NEK6: variants seen among roughly 807,000 people sequenced by gnomAD.
NEK6 encodes the protein NIMA related kinase 6.
In NEK6, 27 loss-of-function variants were observed where a neutral mutation model predicts 43.5. The ratio of observed to expected loss-of-function variants is 0.62; its 90% CI spans 0.46 to 0.86. The LOEUF (loss-of-function observed/expected upper bound fraction) is 0.86, where lower values mean the gene tolerates loss of function less well. NEK6 is among the 40% of genes least tolerant of loss of function. The pLI, the probability that NEK6 is intolerant of heterozygous loss-of-function variation, is 0.00. For synonymous variants in NEK6, 167 were observed against 164.1 expected (o/e 1.02, Z -0.14); for missense variants, 318 against 414.4 (o/e 0.77, Z 2.02).
intron 2 of NEK6, among the ~76,000 whole-genome samples, chr9:124,303,057 G>A (rs1833076446): frequency 1.3e-5 from 2 of 152,238 alleles, no homozygotes; most frequent in South Asian, 4.1e-4. Flanking sequence ...GAACCTTGCG[G>A]GCCTAGGGAG....
intron 1 of NEK6, among the ~76,000 whole-genome samples, chr9:124,266,988 C>T (rs1229366545): frequency 3.9e-5 from 6 of 152,166 alleles, no homozygotes; most frequent in African/African-American, 9.7e-5. Context: ...CCTTCCCTGC[C>T]GAGGCAGCTC....
rs149969205 is a variant in NEK6, at chr9:124,341,232, C to T, written c.717+1567C>T. Among the ~76,000 whole-genome samples, 418 of 152,250 alleles carry T rather than the reference C, an allele frequency of 2.7e-3. 3 individuals are homozygous for T. Among genetic ancestry groups the T allele is most frequent in the African/African-American group, 9.7e-3 (401 of 41,550 alleles). On this transcript the variant is annotated intron_variant, in intron 8 of 9. Transcript: ENST00000320246. Reference sequence around the variant, plus strand: ...AAATTTTCGTATTTTTTGGTAGAGACGGGGTTTCACCATGTTAGCCAGGCT... The same window carrying T: ...AAATTTTCGTATTTTTTGGTAGAGATGGGGTTTCACCATGTTAGCCAGGCT...
chr9:124,270,735 G>A (rs2118915265), intron 1 of NEK6, among the ~76,000 whole-genome samples: 1 of 152,360 alleles, frequency 6.6e-6, no homozygotes, highest in South Asian at 2.1e-4. Context: ...GTTGCTGGGT[G>A]CGGGAGCAGG....
chr9:124,330,395 C>T lies in NEK6; in HGVS notation c.622+2950C>T, dbSNP rs567628152. ...AGTGTCTCGCTCCGAGCAACGGCAG[C>T]AGCTGCAAGACAAATCACGGGGCTG... On this transcript the variant is annotated intron_variant, in intron 7 of 9. Transcript: ENST00000320246. Among the ~76,000 whole-genome samples, 3 of 152,318 alleles carry T rather than the reference C, an allele frequency of 2.0e-5. No homozygotes were observed. The East Asian group carries it at 5.8e-4, about 29-fold the overall frequency.
At chr9:124,279,300 CTT>C (rs1165676719) in intron 1 of NEK6, among the ~76,000 whole-genome samples, 12 of 138,134 alleles carry the variant, frequency 8.7e-5, no homozygotes, top group Admixed American at 2.2e-4. Context: ...TTTCTCTTCC[CTT>C]TTTTTTTTTT....
chr9:124,257,807 C>A, upstream of NEK6: 2 of 1,381,778 alleles, frequency 1.4e-6, no homozygotes, highest in Non-Finnish European at 1.9e-6. Context: ...TCGGCGGAGT[C>A]GAGGGGTCCA....
intron 2 of NEK6, among the ~76,000 whole-genome samples, chr9:124,306,461 G>A (rs770782573): frequency 6.9e-4 from 105 of 152,232 alleles, no homozygotes; most frequent in Non-Finnish European, 1.1e-3. Flanking sequence ...CGGTGCAGAC[G>A]TCTTAGCTGA....
intron 5 of NEK6, 45 bp downstream of exon 5, chr9:124,321,614 G>A: frequency 2.4e-6 from 3 of 1,244,336 alleles, no homozygotes; most frequent in Non-Finnish European, 3.5e-6. Flanking sequence ...GCGCAGATCT[G>A]GAGCCAAAGG....
rs141877442 is a variant in NEK6, at chr9:124,333,549, G to A, written c.623-6022G>A. The stretch of plus-strand genomic sequence containing the variant: ...GTTCCTTCACTTTCTTTACCTTTCC[G>A]TTGCACAGATGCTCACCGAGCGTCT... On this transcript the variant is annotated intron_variant, in intron 7 of 9. Coordinates refer to ENST00000320246, the MANE Select transcript of NEK6 (RefSeq NM_014397.6). 2.9e-3 allele frequency among the ~76,000 whole-genome samples: 445 copies of A among 152,248 alleles called. 3 individuals carry two copies. The highest frequency in any genetic ancestry group is 0.01 in the African/African-American group (419 of 41,536).
chr9:124,326,256 G>T lies in NEK6; in HGVS notation c.406-74G>T. ...GTTACCCACTGGGGAAAGGACAGAG[G>T]CAGTGCCCTGTGGCCACCCACCTCC... On this transcript the variant is annotated intron_variant, in intron 5 of 9. Coordinates refer to ENST00000320246, the MANE Select transcript of NEK6 (RefSeq NM_014397.6). The surrounding 1 kb of genome is among the most constrained non-coding windows in gnomAD (Gnocchi z 4.5). The T allele has an allele frequency of 1.3e-6, 1 of 774,468 alleles. No individual in the cohort carries two copies. The allele number at this position is 774,468 out of a possible 1,614,324, so 48.0% of individuals were successfully genotyped here.
intron 1 of NEK6, chr9:124,292,432 C>G: frequency 2.6e-6 from 4 of 1,536,686 alleles, no homozygotes; most frequent in Non-Finnish European, 3.5e-6. Flanking sequence ...TTGTCTGCCC[C>G]TTCCTGCCTG....
At chr9:124,323,524 G>A (rs1426945744) in intron 5 of NEK6, among the ~76,000 whole-genome samples, 2 of 152,298 alleles carry the variant, frequency 1.3e-5, no homozygotes, top group African/African-American at 4.8e-5. Flanking sequence ...AGATGAAGGA[G>A]AGGCCTCTCC....
At chr9:124,303,031 A>G (rs1483922958) in intron 2 of NEK6, among the ~76,000 whole-genome samples, 1 of 152,188 alleles carries the variant, frequency 6.6e-6, no homozygotes, top group Admixed American at 6.5e-5. Context: ...AGAGAAAGAT[A>G]AGGAGCTGAG....
chr9:124,338,341 T>G (rs1017441652), intron 7 of NEK6, among the ~76,000 whole-genome samples: 1 of 152,252 alleles, frequency 6.6e-6, no homozygotes, highest in Non-Finnish European at 1.5e-5. Context: ...CTTCATGTGC[T>G]TCTTGGCCAC....
intron 1 of NEK6, among the ~76,000 whole-genome samples, chr9:124,290,100 G>A (rs1832345694): frequency 6.6e-6 from 1 of 152,250 alleles, no homozygotes; most frequent in African/African-American, 2.4e-5. Context: ...CCGTCACACC[G>A]TACGGGTGGT....
chr9:124,284,019 G>A (rs965453000), intron 1 of NEK6, among the ~76,000 whole-genome samples: 2 of 152,226 alleles, frequency 1.3e-5, no homozygotes, highest in African/African-American at 2.4e-5. Context: ...GGCATGTGAC[G>A]CCTCTGCTGT....
intron 1 of NEK6, among the ~76,000 whole-genome samples, chr9:124,293,628 G>A (rs1832534203): frequency 6.6e-6 from 1 of 152,206 alleles, no homozygotes; most frequent in African/African-American, 2.4e-5. Flanking sequence ...ACTTTTGTCT[G>A]ATCTGTGACC....
chr9:124,290,627 C>G (rs1242771023), intron 1 of NEK6, among the ~76,000 whole-genome samples: 1 of 152,268 alleles, frequency 6.6e-6, no homozygotes, highest in Admixed American at 6.5e-5. Context: ...GAGAGCCCCT[C>G]TTGGGGACCA....
chr9:124,261,594 T>A (rs2118848640), intron 1 of NEK6: 3 of 985,382 alleles, frequency 3.0e-6, no homozygotes. Context: ...GTAGGCTTCT[T>A]GTCACTTGTC....
Sources: gnomAD v4.1 joint callset for allele counts (sites outside exome capture counted in the v4.1 genomes callset) on GRCh38, gnomAD v4.1.1 for gene constraint, Gnocchi (gnomAD v3.1) non-coding constraint, MANE v1.5 for transcripts, NCBI Gene and HGNC (gene_info 2026-07-23, HGNC 2026-07-21) for gene names.